BRAF: variants seen among roughly 807,000 people sequenced by gnomAD.
BRAF encodes the protein B-Raf proto-oncogene, serine/threonine kinase.
A neutral mutation model predicts 104.6 loss-of-function variants in BRAF; 16 were observed. The observed-to-expected ratio is 0.15, with a 90% CI of 0.10 to 0.23. The LOEUF is 0.23. Ranked by LOEUF, BRAF falls within the 10% of genes least tolerant of loss-of-function variation. The pLI is 1.00. For synonymous variants in BRAF, 310 were observed against 341.6 expected (o/e 0.91, Z 1.02); for missense variants, 541 against 937.3 (o/e 0.58, Z 5.52).
intron 1 of BRAF, among the ~76,000 whole-genome samples, chr7:140,871,633 A>G (rs1161513560): frequency 2.0e-5 from 3 of 152,202 alleles, no homozygotes; most frequent in Non-Finnish European, 4.4e-5. Flanking sequence ...CAGACATGCA[A>G]TTGAATGAGG....
At chr7:140,916,610 C>T (rs989115522) in intron 1 of BRAF, among the ~76,000 whole-genome samples, 6 of 152,152 alleles carry the variant, frequency 3.9e-5, no homozygotes, top group Admixed American at 1.3e-4. Flanking sequence ...GTAAAAAGGA[C>T]GTGATTGACT....
Position 140,725,587 on chromosome 7 carries a change from T to C in BRAF, c.*907A>G. ...GTTTTGTGGGGGTTTAGTTAGATAC[T>C]GCCACGGCATTTTGTGCCCTGGACA... On this transcript the variant is annotated 3_prime_UTR_variant, in exon 20 of 20. Coordinates refer to ENST00000644969, the MANE Select transcript of BRAF (RefSeq NM_001374258.1). The C allele has an allele frequency of 6.6e-6, 7 of 1,057,240 alleles. No individual in the cohort carries two copies. The highest frequency in any genetic ancestry group is 8.0e-6 in the Non-Finnish European group (7 of 874,180). The allele number at this position is 1,057,240 out of a possible 1,614,324, so 65.5% of individuals were successfully genotyped here.
intron 1 of BRAF, among the ~76,000 whole-genome samples, chr7:140,868,601 G>C (rs1446781318): frequency 6.6e-6 from 1 of 152,054 alleles, no homozygotes; most frequent in Non-Finnish European, 1.5e-5. Flanking sequence ...ATGGCTAAGG[G>C]TGTGGGGTTT....
chr7:140,718,293 CTT>C (rs1186292134), downstream of BRAF, among the ~76,000 whole-genome samples: 1 of 151,690 alleles, frequency 6.6e-6, no homozygotes, highest in Non-Finnish European at 1.5e-5. Context: ...GAGTTTTGCT[CTT>C]GTTGCCCAGG....
chr7:140,794,371 T>C lies in BRAF; in HGVS notation c.1077A>G (p.Gln359=), dbSNP rs1802304435. The C allele has an allele frequency of 2.5e-6, 4 of 1,613,992 alleles. No homozygotes were observed. In the Admixed American group the frequency reaches 5.0e-5, roughly 20 times the overall value. Residue 359 remains glutamine, a synonymous_variant, in exon 8 of 20, where the codon CAA becomes CAG. Coordinates refer to ENST00000644969, the MANE Select transcript of BRAF (RefSeq NM_001374258.1). ...ADEDHRNQFG[Q]RDRSSSAPNV... The stretch of plus-strand genomic sequence containing the variant: ...TGGGAGCTGATGAGGATCGGTCTCG[T>C]TGCCCAAATTGATTTCGATGATCTT...
chr7:140,784,779 G>A (rs1357843973), intron 10 of BRAF, among the ~76,000 whole-genome samples: 2 of 151,904 alleles, frequency 1.3e-5, no homozygotes, highest in South Asian at 2.1e-4. Flanking sequence ...CAAGTAGCTG[G>A]GATTACAGGC....
chr7:140,772,656 G>C (rs530592609), intron 14 of BRAF, among the ~76,000 whole-genome samples: 4 of 152,082 alleles, frequency 2.6e-5, no homozygotes, highest in African/African-American at 9.6e-5. Context: ...TGAAAATAGT[G>C]TGCTTTAGTC....
At chr7:140,881,324 C>G (rs1391975857) in intron 1 of BRAF, among the ~76,000 whole-genome samples, 1 of 152,194 alleles carries the variant, frequency 6.6e-6, no homozygotes, top group African/African-American at 2.4e-5. Flanking sequence ...GCTTTAAAGC[C>G]TGTCATTGAC....
In BRAF at chr7:140,739,919, G is replaced by A. The variant is rs2130900628; in HGVS notation, c.2140C>T (p.Leu714=). Residue 714 remains leucine, a synonymous_variant, in exon 18 of 20, where the codon CTG becomes TTG. Coordinates refer to ENST00000644969, the MANE Select transcript of BRAF (RefSeq NM_001374258.1). ...QIIFMVGRGY[L]SPDLSKVRSN... is the part of the protein sequence containing the mutation. The stretch of plus-strand genomic sequence containing the variant: ...CGTACCTTACTGAGATCTGGAGACA[G>A]GTATCCTCGTCCCACCATAAAAATT... The A allele has an allele frequency of 6.2e-7, 1 of 1,613,614 alleles. No individual in the cohort carries two copies. Among genetic ancestry groups the A allele is most frequent in the South Asian group, 1.1e-5 (1 of 91,070 alleles).
chr7:140,889,059 A>C (rs1010783995), intron 1 of BRAF, among the ~76,000 whole-genome samples: 2 of 152,180 alleles, frequency 1.3e-5, no homozygotes, highest in African/African-American at 4.8e-5. Context: ...TGCAAGTTCT[A>C]CATCGTAGGA....
chr7:140,898,958 T>C (rs1450322207), intron 1 of BRAF, among the ~76,000 whole-genome samples: 2 of 152,228 alleles, frequency 1.3e-5, no homozygotes, highest in Non-Finnish European at 2.9e-5. Context: ...GAGCTGTTTG[T>C]AGTGTGGTTT....
chr7:140,756,335 G>T (rs1409016251), intron 14 of BRAF, among the ~76,000 whole-genome samples: 1 of 152,064 alleles, frequency 6.6e-6, no homozygotes, highest in Non-Finnish European at 1.5e-5. Context: ...TGTAACAAAA[G>T]CAGCAAAGAG....
chr7:140,726,409 T>G lies in BRAF; in HGVS notation c.*85A>C. ...AATTTTGTATCTTTAAAAAAAGATT[T>G]GAGGAACAGAACTGTGTTTTGATGT... On this transcript the variant is annotated 3_prime_UTR_variant, in exon 20 of 20. Coordinates refer to ENST00000644969, the MANE Select transcript of BRAF (RefSeq NM_001374258.1). 6.6e-7 allele frequency: 1 copy of G among 1,509,170 alleles called. No homozygotes were observed. Among genetic ancestry groups the G allele is most frequent in the Non-Finnish European group, 8.8e-7 (1 of 1,137,246 alleles). The allele number at this position is 1,509,170 out of a possible 1,614,324, so 93.5% of individuals were successfully genotyped here.
intron 1 of BRAF, among the ~76,000 whole-genome samples, chr7:140,917,894 A>G (rs1817789828): frequency 6.6e-6 from 1 of 152,256 alleles, no homozygotes; most frequent in Non-Finnish European, 1.5e-5. Flanking sequence ...CTACTGGAAC[A>G]GAGTCAAACT....
At chr7:140,808,787 T>C (rs149679953) in intron 4 of BRAF, 105 bp downstream of exon 4, 1 of 904,074 alleles carries the variant, frequency 1.1e-6, no homozygotes, top group Non-Finnish European at 1.8e-6. Context: ...TTTCCTAAAG[T>C]ACACTTTCAA....
At chr7:140,738,763 C>T (rs1178990755) in intron 18 of BRAF, among the ~76,000 whole-genome samples, 1 of 152,004 alleles carries the variant, frequency 6.6e-6, no homozygotes, top group African/African-American at 2.4e-5. Context: ...ATTACAGGCT[C>T]CTGCCACTAT....
At chr7:140,732,436 T>C (rs1390271976) in intron 19 of BRAF, 1 of 152,090 alleles carries the variant, frequency 6.6e-6, no homozygotes, top group Non-Finnish European at 1.5e-5. Flanking sequence ...AACATTTAAT[T>C]CTACTGCTTC....
At chr7:140,885,999 T>C (rs1405749430) in intron 1 of BRAF, among the ~76,000 whole-genome samples, 1 of 152,164 alleles carries the variant, frequency 6.6e-6, no homozygotes, top group Admixed American at 6.5e-5. Flanking sequence ...ACAAAGATAA[T>C]AAGAGTAGGC....
At position 140,723,188 on chromosome 7, in the gene BRAF, T is replaced by G; in HGVS notation, c.*3306A>C. ...GGATGTACAGTGGGGACAGGTGAGATCTGAGGAGGATGTGCAGCAGCTCGC... is the reference window on the plus strand; with the variant it reads ...GGATGTACAGTGGGGACAGGTGAGAGCTGAGGAGGATGTGCAGCAGCTCGC... On this transcript the variant is annotated 3_prime_UTR_variant, in exon 20 of 20. Transcript: ENST00000644969. The G allele has an allele frequency of 9.5e-7, 1 of 1,054,428 alleles. No homozygotes were observed. Among genetic ancestry groups the G allele is most frequent in the South Asian group, 4.6e-5 (1 of 21,846 alleles). 65.3% of individuals were successfully genotyped at this position (1,054,428 alleles called of 1,614,324 possible).
Sources: gnomAD v4.1 joint callset for allele counts (sites outside exome capture counted in the v4.1 genomes callset) on GRCh38, gnomAD v4.1.1 for gene constraint, MANE v1.5 for transcripts, NCBI Gene and HGNC (gene_info 2026-07-23, HGNC 2026-07-21) for gene names.